CDYL2: variants seen among roughly 807,000 people sequenced by gnomAD.
CDYL2 encodes the protein chromodomain Y-like protein 2.
Under a neutral mutation model 49.4 loss-of-function variants are expected in CDYL2, and 23 were observed. The ratio of observed to expected loss-of-function variants is 0.47; its 90% CI spans 0.34 to 0.66. CDYL2 has a LOEUF of 0.66. Among genes scored for constraint, CDYL2 ranks in the 30% least tolerant of loss-of-function variants. The pLI is 0.01. For missense variants in CDYL2, 678 were observed against 656.4 expected (o/e 1.03, Z -0.36); for synonymous variants, 360 against 268.8 (o/e 1.34, Z -3.32).
rs202153242 is a variant in CDYL2, at chr16:80,612,591, C to T, written c.1218+35G>A. 279 of 1,562,808 alleles carry T rather than the reference C, an allele frequency of 1.8e-4. No individual in the cohort carries two copies. Among genetic ancestry groups the T allele is most frequent in the Non-Finnish European group, 2.3e-4 (263 of 1,152,466 alleles). ...AACCCAAGGCAGAGGAAGGATCCTG[C>T]TGGGACCCGAATCCAGGTATCACAG... On this transcript the variant is annotated intron_variant, in intron 5 of 6. Coordinates refer to ENST00000570137, the MANE Select transcript of CDYL2 (RefSeq NM_152342.4). The surrounding 1 kb of genome is among the most constrained non-coding windows in gnomAD (Gnocchi z 5.0).
chr16:80,654,546 A>G (rs1908723261), intron 2 of CDYL2, among the ~76,000 whole-genome samples: 1 of 152,208 alleles, frequency 6.6e-6, no homozygotes, highest in Non-Finnish European at 1.5e-5. Flanking sequence ...CGTGGCACCT[A>G]GAAGCCTACA....
At chr16:80,686,004 G>GCA (rs1284654739) in intron 1 of CDYL2, among the ~76,000 whole-genome samples, 1 of 152,214 alleles carries the variant, frequency 6.6e-6, no homozygotes, top group Non-Finnish European at 1.5e-5. Flanking sequence ...TACCTACTAT[G>GCA]CACCTCACAT....
chr16:80,630,911 G>T (rs890986526), intron 3 of CDYL2, among the ~76,000 whole-genome samples: 1 of 150,236 alleles, frequency 6.7e-6, no homozygotes, highest in Non-Finnish European at 1.5e-5. Context: ...ACAATGCTAG[G>T]TCATTCTATT....
At chr16:80,742,334 G>A (rs566160168) in intron 1 of CDYL2, 1 of 152,118 alleles carries the variant, frequency 6.6e-6, no homozygotes, top group Non-Finnish European at 1.5e-5. Context: ...TGGATGGATG[G>A]GATGGATGGA....
At chr16:80,787,312 T>C (rs532366830) in intron 1 of CDYL2, among the ~76,000 whole-genome samples, 36 of 152,158 alleles carry the variant, frequency 2.4e-4, no homozygotes, top group Non-Finnish European at 4.9e-4. Flanking sequence ...AGGTAGAAAC[T>C]ACACAAGAAG....
Position 80,606,486 on chromosome 16 carries a change from T to A in CDYL2, c.1362+1606A>T, listed in dbSNP as rs191785801. ...CCCTCCTTTTCAGTCACATGTTTCCTAGCATCCCCGTGCCACCTGACTGCA... is the reference window on the plus strand; with the variant it reads ...CCCTCCTTTTCAGTCACATGTTTCCAAGCATCCCCGTGCCACCTGACTGCA... On this transcript the variant is annotated intron_variant, in intron 6 of 6. Transcript: ENST00000570137. 2.0e-4 allele frequency among the ~76,000 whole-genome samples: 30 copies of A among 152,240 alleles called. 1 individual carries two copies. The highest frequency in any genetic ancestry group is 5.3e-4 in the African/African-American group (22 of 41,562).
intron 2 of CDYL2, among the ~76,000 whole-genome samples, chr16:80,673,240 G>C (rs1450077903): frequency 2.0e-5 from 3 of 151,998 alleles, no homozygotes; most frequent in Admixed American, 6.5e-5. Context: ...GAATCGTTTG[G>C]ACCCGGGAGG....
Position 80,706,935 on chromosome 16 carries a change from C to T in CDYL2, c.25-21806G>A, listed in dbSNP as rs564334232. Among the ~76,000 whole-genome samples, 8 of 152,266 alleles carry T rather than the reference C, an allele frequency of 5.3e-5. 1 individual carries two copies. In the South Asian group the frequency reaches 1.7e-3, roughly 32 times the overall value. On this transcript the variant is annotated intron_variant, in intron 1 of 6. Coordinates refer to ENST00000570137, the MANE Select transcript of CDYL2 (RefSeq NM_152342.4). ...TCAATCACACCTACAGACTTGTCTGCCTGCCCATAAAATAAAAGTCTTGAA... is the reference window on the plus strand; with the variant it reads ...TCAATCACACCTACAGACTTGTCTGTCTGCCCATAAAATAAAAGTCTTGAA...
chr16:80,779,823 A>G (rs981795776), intron 1 of CDYL2, among the ~76,000 whole-genome samples: 3 of 152,330 alleles, frequency 2.0e-5, no homozygotes, highest in Non-Finnish European at 4.4e-5. Flanking sequence ...AAGGATATAC[A>G]TCAATGTTAA....
chr16:80,780,351 G>A (rs76600370), intron 1 of CDYL2, among the ~76,000 whole-genome samples: 2,027 of 150,174 alleles, frequency 0.013, 50 homozygotes, highest in African/African-American at 0.047. Context: ...CCTATAACAG[G>A]ATATGCAAGG....
intron 1 of CDYL2, among the ~76,000 whole-genome samples, chr16:80,775,367 A>G (rs1029186921): frequency 6.6e-6 from 1 of 151,968 alleles, no homozygotes; most frequent in Non-Finnish European, 1.5e-5. Context: ...ATCTGTATAT[A>G]CAGTTTAAAT....
intron 2 of CDYL2, among the ~76,000 whole-genome samples, chr16:80,679,318 G>C (rs1909882384): frequency 6.6e-6 from 1 of 151,760 alleles, no homozygotes; most frequent in South Asian, 2.1e-4. Context: ...TGTCAAAGAA[G>C]TACATCCTGT....
At chr16:80,756,615 G>C (rs544293337) in intron 1 of CDYL2, among the ~76,000 whole-genome samples, 14 of 152,096 alleles carry the variant, frequency 9.2e-5, no homozygotes, top group Non-Finnish European at 1.9e-4. Flanking sequence ...AAATGTTTCA[G>C]ACGACAGTAA....
At chr16:80,675,687 G>A (rs1176431973) in intron 2 of CDYL2, among the ~76,000 whole-genome samples, 2 of 151,512 alleles carry the variant, frequency 1.3e-5, no homozygotes, top group African/African-American at 4.8e-5. Flanking sequence ...CCGACATTAG[G>A]AGGTGAAGTT....
intron 1 of CDYL2, among the ~76,000 whole-genome samples, chr16:80,706,800 A>G (rs367552764): frequency 1.1e-4 from 17 of 152,330 alleles, no homozygotes; most frequent in Admixed American, 3.3e-4. Flanking sequence ...AGAGTACACA[A>G]TGGAAAATCT....
At chr16:80,641,751 G>A (rs1187178130) in intron 2 of CDYL2, among the ~76,000 whole-genome samples, 3 of 107,760 alleles carry the variant, frequency 2.8e-5, no homozygotes, top group African/African-American at 1.1e-4. Context: ...CTGTTGTGGG[G>A]TGGGGGGAGG....
At chr16:80,620,986 C>T in intron 3 of CDYL2, 51 bp from the exon 4 acceptor site, 3 of 1,484,904 alleles carry the variant, frequency 2.0e-6, no homozygotes, top group Non-Finnish European at 1.8e-6. Flanking sequence ...TCCTGTAAGC[C>T]TGGGGCTTTC....
intron 1 of CDYL2, among the ~76,000 whole-genome samples, chr16:80,718,165 G>A (rs1904876028): frequency 6.6e-6 from 1 of 152,188 alleles, no homozygotes. Flanking sequence ...CAAAGCCCGT[G>A]CTCTTTCTGC....
intron 2 of CDYL2, among the ~76,000 whole-genome samples, chr16:80,666,902 G>A (rs147251402): frequency 1.1e-3 from 160 of 152,346 alleles, no homozygotes; most frequent in African/African-American, 3.7e-3. Context: ...ATTGTTAGGT[G>A]TTGGTGATAC....
Sources: allele counts gnomAD v4.1 joint callset (sites outside exome capture counted in the v4.1 genomes callset), GRCh38; gene constraint gnomAD v4.1.1; non-coding constraint Gnocchi (gnomAD v3.1); transcripts MANE v1.5; gene names NCBI Gene and HGNC (gene_info 2026-07-23, HGNC 2026-07-21).